PAX7: variants seen among roughly 807,000 people sequenced by gnomAD.
The protein encoded by PAX7 is paired box 7, also known as paired box protein Pax-7.
A neutral mutation model predicts 50.7 loss-of-function variants in PAX7; 18 were observed. The ratio of observed to expected loss-of-function variants is 0.36; its 90% CI spans 0.25 to 0.53. The LOEUF is 0.53. Among genes scored for constraint, PAX7 ranks in the 20% least tolerant of loss-of-function variants. PAX7 has a pLI of 0.93. For missense variants in PAX7, 644 were observed against 702.9 expected (o/e 0.92, Z 0.95); for synonymous variants, 310 against 290.4 (o/e 1.07, Z -0.69).
chr1:18,721,249 G>A (rs1194423502), intron 7 of PAX7, among the ~76,000 whole-genome samples: 1 of 152,190 alleles, frequency 6.6e-6, no homozygotes, highest in African/African-American at 2.4e-5. Context: ...CCCAGGGTGA[G>A]AAGTCCTGCC....
chr1:18,714,608 C>A (rs758956491), intron 7 of PAX7, among the ~76,000 whole-genome samples: 6 of 152,214 alleles, frequency 3.9e-5, no homozygotes, highest in Non-Finnish European at 8.8e-5. Context: ...AGAGGCCTTA[C>A]TGCTGTGGGC....
chr1:18,633,067 G>A (rs2088082834), intron 1 of PAX7, among the ~76,000 whole-genome samples: 2 of 152,174 alleles, frequency 1.3e-5, no homozygotes. Context: ...CCGCCACGGA[G>A]ACCGAGTGAC....
At chr1:18,724,166 C>T (rs900121927) in intron 7 of PAX7, among the ~76,000 whole-genome samples, 3 of 152,210 alleles carry the variant, frequency 2.0e-5, no homozygotes, top group Admixed American at 6.5e-5. Flanking sequence ...CATTAAGCTT[C>T]GAAATTGAAT....
chr1:18,695,423 G>A (rs2089138617), intron 5 of PAX7, among the ~76,000 whole-genome samples: 1 of 152,190 alleles, frequency 6.6e-6, no homozygotes, highest in Non-Finnish European at 1.5e-5. Flanking sequence ...AAGCTCTGCT[G>A]TCTTGAAGCT....
At chr1:18,642,836 A>T (rs1570111824) in intron 4 of PAX7, among the ~76,000 whole-genome samples, 1 of 151,516 alleles carries the variant, frequency 6.6e-6, no homozygotes, top group Admixed American at 6.6e-5. Flanking sequence ...TGTCTCCAAA[A>T]CTTCAAACGA....
rs1490283927 is a variant in PAX7 at position 18,700,936 on chromosome 1, C to T, written c.952+118C>T. On this transcript the variant is annotated intron_variant, in intron 6 of 8. Transcript: ENST00000420770. This position sits in a 1 kb window ranked among gnomAD's most constrained non-coding sequence, Gnocchi z 4.8. ...CATTTCTTACTTTCATGTAAGCAGGCTATTGAGAGCAAAAAGATGCAATCC... is the reference window on the plus strand; with the variant it reads ...CATTTCTTACTTTCATGTAAGCAGGTTATTGAGAGCAAAAAGATGCAATCC... The T allele has an allele frequency of 2.0e-6, 2 of 1,003,678 alleles. No homozygotes were observed. The highest frequency in any genetic ancestry group is 2.7e-6 in the Non-Finnish European group (2 of 731,998). 62.2% of individuals were successfully genotyped at this position (1,003,678 alleles called of 1,614,324 possible). A position where few individuals can be genotyped will look rare whatever the true frequency, so the allele number is the denominator to read the frequency against.
Position 18,722,872 on chromosome 1 carries a change from C to T in PAX7, c.1156-12760C>T, listed in dbSNP as rs565258140. ...TCACCTCCTTGGGTTGCAGCTTTTT[C>T]CTCTCCATCTTCTGTCTGCATCCAC... On this transcript the variant is annotated intron_variant, in intron 7 of 8. Coordinates refer to ENST00000420770, the MANE Select transcript of PAX7 (RefSeq NM_001135254.2). Among the ~76,000 whole-genome samples the T allele has an allele frequency of 1.2e-3, 179 of 152,256 alleles. 2 individuals carry two copies. In the South Asian group the frequency reaches 0.036, roughly 31 times the overall value.
chr1:18,695,224 A>G (rs2089136396), intron 5 of PAX7, among the ~76,000 whole-genome samples: 1 of 152,106 alleles, frequency 6.6e-6, no homozygotes, highest in Non-Finnish European at 1.5e-5. Flanking sequence ...AAAAAAGAAA[A>G]AAAAAGAGGA....
intron 4 of PAX7, among the ~76,000 whole-genome samples, chr1:18,658,820 G>C (rs761419587): frequency 6.6e-6 from 1 of 152,212 alleles, no homozygotes; most frequent in Non-Finnish European, 1.5e-5. Context: ...TAAACATGAA[G>C]TTGCCTTGGG....
Position 18,709,620 on chromosome 1 carries a change from G to C in PAX7, c.1155+6324G>C, listed in dbSNP as rs545748870. Among the ~76,000 whole-genome samples the C allele has an allele frequency of 1.6e-3, 243 of 152,232 alleles. 1 individual carries two copies. The highest frequency in any genetic ancestry group is 5.0e-3 in the African/African-American group (208 of 41,546). ...ACCCCACTTGCCCTCCTTGACTCTT[G>C]GCTGTTATCTTGTGACCCTCGTTTT... On this transcript the variant is annotated intron_variant, in intron 7 of 8. Transcript: ENST00000420770.
chr1:18,661,871 G>C (rs981744446), intron 4 of PAX7, among the ~76,000 whole-genome samples: 1 of 152,232 alleles, frequency 6.6e-6, no homozygotes, highest in Non-Finnish European at 1.5e-5. Context: ...GGCGCCGGGA[G>C]GGGGAAGTTA....
Position 18,735,861 on chromosome 1 carries a change from A to G in PAX7, c.1385A>G (p.Tyr462Cys). 1 of 1,613,970 alleles carries G rather than the reference A, an allele frequency of 6.2e-7. No homozygotes were observed. Among genetic ancestry groups the G allele is most frequent in the Non-Finnish European group, 8.5e-7 (1 of 1,180,012 alleles). Residue 462 changes from tyrosine (Y) to cysteine (C), a missense_variant, in exon 8 of 9, where the codon TAC becomes TGC. Physicochemically the swap from Tyr to Cys is radical, Grantham distance 194 (BLOSUM62 -2). Transcript: ENST00000420770. The surrounding 1 kb of genome is among the most constrained non-coding windows in gnomAD (Gnocchi z 4.0). ...YSVDPVAGYQ[Y>C]GQYGQTAVDY... ...GTGGACCCCGTGGCCGGCTATCAGT[A>G]CGGCCAGTACGGCCAGAGTGAGTGC...
chr1:18,723,271 G>C (rs1276595985), intron 7 of PAX7, among the ~76,000 whole-genome samples: 1 of 152,172 alleles, frequency 6.6e-6, no homozygotes, highest in Non-Finnish European at 1.5e-5. Flanking sequence ...GTGTAATATA[G>C]AGTTTAATGT....
At chr1:18,635,059 C>T in intron 2 of PAX7, 52 bp from the exon 3 acceptor site, 1 of 1,599,248 alleles carries the variant, frequency 6.3e-7, no homozygotes, top group Non-Finnish European at 8.5e-7. Context: ...AAAGTATTTT[C>T]CTCCCCCCAT....
intron 4 of PAX7, among the ~76,000 whole-genome samples, chr1:18,682,549 G>A (rs933745960): frequency 4.6e-4 from 70 of 152,302 alleles, no homozygotes; most frequent in African/African-American, 1.6e-3. Context: ...GATGGGAGGA[G>A]CAGCCTGAAG....
In PAX7 at chr1:18,703,146, C is replaced by T; in HGVS notation, c.1005C>T (p.His335=). The T allele has an allele frequency of 1.9e-6, 3 of 1,613,988 alleles. No individual in the cohort carries two copies. The highest frequency in any genetic ancestry group is 2.2e-5 in the South Asian group (2 of 91,066). Residue 335 remains histidine, a synonymous_variant, in exon 7 of 9, where the codon CAC becomes CAT. Transcript: ENST00000420770. ...AGCCCCTGCCACCGTCCACCATGCA[C>T]CAGGGCGGGCTGGCTGCAGCGGCTG... ...RPQPLPPSTM[H]QGGLAAAAAA...
intron 7 of PAX7, among the ~76,000 whole-genome samples, chr1:18,728,082 T>G (rs1001805791): frequency 1.3e-5 from 2 of 152,014 alleles, no homozygotes; most frequent in African/African-American, 4.8e-5. Context: ...AGTGTGGGGC[T>G]GGGAACAGGC....
chr1:18,704,069 G>A (rs570435933), intron 7 of PAX7, among the ~76,000 whole-genome samples: 1 of 152,306 alleles, frequency 6.6e-6, no homozygotes, highest in South Asian at 2.1e-4. Context: ...ACCTAGCCCA[G>A]AGCCTGGCAC....
At chr1:18,650,820 T>C (rs2088418673) in intron 4 of PAX7, among the ~76,000 whole-genome samples, 1 of 152,208 alleles carries the variant, frequency 6.6e-6, no homozygotes, top group African/African-American at 2.4e-5. Flanking sequence ...TTCCAAAGTT[T>C]CTGGGTCCCT....
Sources: gnomAD v4.1 joint callset for allele counts (sites outside exome capture counted in the v4.1 genomes callset) on GRCh38, gnomAD v4.1.1 for gene constraint, Gnocchi (gnomAD v3.1) non-coding constraint, MANE v1.5 for transcripts, NCBI Gene and HGNC (gene_info 2026-07-23, HGNC 2026-07-21) for gene names.